The following NAT10 variants were observed in gnomAD, a reference collection of about 807,000 sequenced individuals.
NAT10 encodes the protein RNA cytidine acetyltransferase.
In NAT10, 109 loss-of-function variants were observed where a neutral mutation model predicts 132.2. The ratio of observed to expected loss-of-function variants is 0.82; its 90% CI spans 0.71 to 0.97. The LOEUF (loss-of-function observed/expected upper bound fraction) is 0.97. NAT10 is among the 50% of genes least tolerant of loss of function. NAT10 has a pLI of 0.00. For missense variants in NAT10, 1,184 were observed against 1,263.4 expected (o/e 0.94, Z 0.95); for synonymous variants, 479 against 478.0 (o/e 1.00, Z -0.03).
Position 34,142,262 on chromosome 11 carries a change from T to C in NAT10, c.2812-13T>C, listed in dbSNP as rs535839254. 6.2e-7 allele frequency: 1 copy of C among 1,613,746 alleles called. No homozygotes were observed. The highest frequency in any genetic ancestry group is 2.2e-5 in the East Asian group (1 of 44,880). ...GACTCTGACTTAGTCTCTTTATGGGTCCTTAACCACAGGATGAAGCAGCAA... is the reference window on the plus strand; with the variant it reads ...GACTCTGACTTAGTCTCTTTATGGGCCCTTAACCACAGGATGAAGCAGCAA... On this transcript the variant is annotated splice_polypyrimidine_tract_variant and intron_variant, in intron 26 of 28. Coordinates refer to ENST00000257829, the MANE Select transcript of NAT10 (RefSeq NM_024662.3).
rs1426068944 is a variant in NAT10, at chr11:34,133,159, G to A, written c.1734+17G>A. On this transcript the variant is annotated intron_variant, in intron 16 of 28. Coordinates refer to ENST00000257829, the MANE Select transcript of NAT10 (RefSeq NM_024662.3). ...GTTATCCAGGTATAGGAGCAGAGGC[G>A]TCCTTGTGGCAGTGATTTGGGGAAC... 20 of 1,572,396 alleles carry A rather than the reference G, an allele frequency of 1.3e-5. No individual in the cohort carries two copies. Among genetic ancestry groups the A allele is most frequent in the East Asian group, 4.5e-5 (2 of 44,618 alleles).
chr11:34,127,362 G>GGAGA, intron 11 of NAT10, 101 bp from the exon 12 acceptor site: 1 of 1,268,902 alleles, frequency 7.9e-7, no homozygotes, highest in Non-Finnish European at 1.1e-6. Flanking sequence ...AAGGAAACAG[G>GGAGA]GAGAGAGAGG....
intron 11 of NAT10, among the ~76,000 whole-genome samples, chr11:34,126,500 C>T (rs1489736518): frequency 6.6e-6 from 1 of 152,216 alleles, no homozygotes; most frequent in East Asian, 1.9e-4. Flanking sequence ...GTATGTTTCT[C>T]AAAGTGGAGT....
At chr11:34,132,982 A>G (rs760615710) in intron 15 of NAT10, 44 bp from the exon 16 acceptor site, 6 of 1,506,094 alleles carry the variant, frequency 4.0e-6, no homozygotes, top group Non-Finnish European at 4.6e-6. Flanking sequence ...CGTAAAGGGC[A>G]AGAGGAAGAG....
intron 1 of NAT10, among the ~76,000 whole-genome samples, chr11:34,106,435 T>TA (rs993057177): frequency 3.9e-5 from 6 of 151,966 alleles, no homozygotes; most frequent in African/African-American, 1.5e-4. Flanking sequence ...TTTTTTTTTT[T>TA]ACATCTAATT....
chr11:34,143,050 C>T (rs1852368611), intron 27 of NAT10, among the ~76,000 whole-genome samples: 1 of 152,162 alleles, frequency 6.6e-6, no homozygotes, highest in African/African-American at 2.4e-5. Context: ...GGGAGAGGCA[C>T]AGTTCAAGGG....
At position 34,130,983 on chromosome 11, in the gene NAT10, T is replaced by C. The variant is rs775560127; in HGVS notation, c.1369+46T>C. The stretch of plus-strand genomic sequence containing the variant: ...GGTCCCGCGGTTCACAGCAAGGCCC[T>C]TCAGTCTTACTGATCCTCGCTTCCC... On this transcript the variant is annotated intron_variant, in intron 13 of 28. Coordinates refer to ENST00000257829, the MANE Select transcript of NAT10 (RefSeq NM_024662.3). The C allele has an allele frequency of 2.5e-6, 4 of 1,606,500 alleles. No individual in the cohort carries two copies. The African/African-American group carries it at 5.4e-5, about 21-fold the overall frequency.
chr11:34,106,728 G>A (rs573300076), intron 1 of NAT10, among the ~76,000 whole-genome samples: 1 of 152,306 alleles, frequency 6.6e-6, no homozygotes, highest in East Asian at 1.9e-4. Flanking sequence ...TCTGCCTCGG[G>A]ATATTTGAAT....
chr11:34,108,925 G>T (rs1851645325), intron 3 of NAT10, 92 bp downstream of exon 3: 1 of 1,076,882 alleles, frequency 9.3e-7, no homozygotes, highest in Admixed American at 2.6e-5. Flanking sequence ...ATTTTTTAAG[G>T]GTCTTTAGTG....
At chr11:34,132,946 C>T (rs1441916314) in intron 15 of NAT10, 80 bp from the exon 16 acceptor site, 5 of 1,114,388 alleles carry the variant, frequency 4.5e-6, no homozygotes, top group African/African-American at 1.5e-5. Flanking sequence ...CTGCAGTCAT[C>T]CTGTGGTTCT....
intron 8 of NAT10, among the ~76,000 whole-genome samples, chr11:34,120,610 C>T (rs1192812943): frequency 6.6e-6 from 1 of 152,232 alleles, no homozygotes; most frequent in Non-Finnish European, 1.5e-5. Flanking sequence ...TTCAGTGTCA[C>T]TGGCATCTTG....
intron 8 of NAT10, among the ~76,000 whole-genome samples, chr11:34,119,885 GA>G (rs1322939378): frequency 6.6e-6 from 1 of 152,202 alleles, no homozygotes; most frequent in African/African-American, 2.4e-5. Context: ...TTCCAGAAGA[GA>G]AGTTGCTGGA....
intron 1 of NAT10, among the ~76,000 whole-genome samples, chr11:34,106,899 G>C (rs753779117): frequency 5.3e-5 from 8 of 152,114 alleles, no homozygotes; most frequent in Non-Finnish European, 8.8e-5. Flanking sequence ...TAATGCAGTA[G>C]GTACCAGAGT....
intron 27 of NAT10, 138 bp from the exon 28 acceptor site, chr11:34,143,307 T>C: frequency 1.4e-6 from 1 of 698,344 alleles, no homozygotes; most frequent in Non-Finnish European, 2.4e-6. Flanking sequence ...TCCTTTCTGC[T>C]GTTCAAATGC....
chr11:34,134,682 G>T, intron 18 of NAT10, 96 bp downstream of exon 18: 1 of 1,041,278 alleles, frequency 9.6e-7, no homozygotes. Flanking sequence ...TCAAGCAGAA[G>T]CAAGTGAAGT....
At chr11:34,138,199 G>C (rs189879657) in intron 21 of NAT10, among the ~76,000 whole-genome samples, 2 of 152,132 alleles carry the variant, frequency 1.3e-5, no homozygotes, top group Non-Finnish European at 2.9e-5. Flanking sequence ...GGTGGGACTC[G>C]AGATTCAGGA....
chr11:34,146,131 A>G lies in NAT10; in HGVS notation c.3017A>G (p.Lys1006Arg). 1 of 1,610,874 alleles carries G rather than the reference A, an allele frequency of 6.2e-7. No individual in the cohort carries two copies. The highest frequency in any genetic ancestry group is 8.5e-7 in the Non-Finnish European group (1 of 1,179,032). ...GCCAAACAAGAACCCAAACAGAGCA[A>G]GAAGTTGAAGAACAGAGAGACAAAG... Reference protein sequence around the residue: ...LEAKQEPKQSKKLKNRETKNK... With the variant: ...LEAKQEPKQSRKLKNRETKNK... Residue 1006 changes from lysine (K) to arginine (R), a missense_variant, in exon 29 of 29, where the codon AAG becomes AGG. Physicochemically the swap from Lys to Arg is conservative, Grantham distance 26. Transcript: ENST00000257829.
chr11:34,108,944 A>G (rs1291920811), intron 3 of NAT10, 111 bp downstream of exon 3: 1 of 833,384 alleles, frequency 1.2e-6, no homozygotes, highest in African/African-American at 1.7e-5. Flanking sequence ...TGGAGGTGCT[A>G]TCTCTGAGGA....
rs34445882 is a variant in NAT10 at position 34,113,636 on chromosome 11, C to CAA, written c.373-57_373-56dup. 2.3e-3 allele frequency: 2,100 copies of CAA among 904,940 alleles called. 3 individuals carry two copies. The highest frequency in any genetic ancestry group is 0.017 in the African/African-American group (523 of 31,606). The allele number at this position is 904,940 out of a possible 1,614,324, so 56.1% of individuals were successfully genotyped here. A position where few individuals can be genotyped will look rare whatever the true frequency, so the allele number is the denominator to read the frequency against. On this transcript the variant is annotated intron_variant, in intron 4 of 28. Transcript: ENST00000257829. ...TGGGCGACAGAGCAAGACTCCATCT[C>CAA]AAAAAAAAAAAAAAAAAAAAAAAAG...
Sources: gnomAD v4.1 joint callset for allele counts (sites outside exome capture counted in the v4.1 genomes callset) on GRCh38, gnomAD v4.1.1 for gene constraint, MANE v1.5 for transcripts, NCBI Gene and HGNC (gene_info 2026-07-23, HGNC 2026-07-21) for gene names.